The following OTOGL variants were observed in gnomAD, a reference collection of about 807,000 sequenced individuals.
OTOGL encodes the protein otogelin-like protein.
Under a neutral mutation model 318.5 loss-of-function variants are expected in OTOGL, and 285 were observed. The observed-to-expected ratio is 0.89, with a 90% CI of 0.81 to 0.99. OTOGL has a LOEUF of 0.99. Among genes scored for constraint, OTOGL ranks in the 50% least tolerant of loss-of-function variants. The pLI is 0.00. For missense variants in OTOGL, 2,899 were observed against 2,845.6 expected, an observed-to-expected ratio of 1.02 and a Z score of -0.43; for synonymous variants, 987 against 936.5, an observed-to-expected ratio of 1.05 and a Z score of -0.99.
chr12:80,272,374 G>A (rs895959452), intron 24 of OTOGL, among the ~76,000 whole-genome samples: 2 of 150,584 alleles, frequency 1.3e-5, no homozygotes, highest in African/African-American at 4.9e-5. Context: ...GTGTGTGTGT[G>A]TGTGTGTGTG....
rs535582919 is a variant in OTOGL at position 80,123,354 on chromosome 12, G to A, written c.-20+23749G>A. Among the ~76,000 whole-genome samples, 8 of 152,294 alleles carry A rather than the reference G, an allele frequency of 5.3e-5. No individual in the cohort carries two copies. The South Asian group carries it at 1.7e-3, about 32-fold the overall frequency. ...CAGCATCATCCATGTTTGTACAAAG[G>A]ACATGAACTCATCATTTTTTAAGGC... On this transcript the variant is annotated intron_variant, in intron 1 of 58. Transcript: ENST00000547103.
At position 80,358,759 on chromosome 12, in the gene OTOGL, C is replaced by T; in HGVS notation, c.6210C>T (p.Cys2070=). The T allele has an allele frequency of 2.5e-6, 4 of 1,607,702 alleles. No individual in the cohort carries two copies. Among genetic ancestry groups the T allele is most frequent in the Admixed American group, 1.7e-5 (1 of 59,930 alleles). The change falls in exon 51 of 59, where the codon TGC becomes TGT. Residue 2070 remains cysteine, a synonymous_variant. Coordinates refer to ENST00000547103, the MANE Select transcript of OTOGL (RefSeq NM_001378609.3). ...LVKENVSGQC[C]PTWHCECNCE... Reference sequence around the variant, plus strand: ...AAGAAAATGTATCTGGTCAATGTTGCCCAACATGGCACTGTGGTAACTAAT... The same window carrying T: ...AAGAAAATGTATCTGGTCAATGTTGTCCAACATGGCACTGTGGTAACTAAT...
chr12:80,125,464 A>G (rs918624540), intron 1 of OTOGL, among the ~76,000 whole-genome samples: 1 of 152,192 alleles, frequency 6.6e-6, no homozygotes, highest in Non-Finnish European at 1.5e-5. Context: ...GGATTTTTGC[A>G]TCGATGTTCA....
At chr12:80,264,274 C>A (rs1157047070) in intron 19 of OTOGL, among the ~76,000 whole-genome samples, 1 of 152,118 alleles carries the variant, frequency 6.6e-6, no homozygotes, top group Non-Finnish European at 1.5e-5. Flanking sequence ...AGAATTATAT[C>A]TGATCAGTCA....
chr12:80,334,812 A>G (rs1172112121), intron 38 of OTOGL, among the ~76,000 whole-genome samples: 1 of 152,126 alleles, frequency 6.6e-6, no homozygotes, highest in Non-Finnish European at 1.5e-5. Flanking sequence ...TGGTAGGTCT[A>G]AAATCCTCTG....
intron 26 of OTOGL, among the ~76,000 whole-genome samples, chr12:80,287,395 TGTAA>T (rs1459749726): frequency 6.6e-6 from 1 of 151,794 alleles, no homozygotes; most frequent in Non-Finnish European, 1.5e-5. Context: ...TGGAGAGTTC[TGTAA>T]GTGTCTATTA....
chr12:80,293,167 AAAG>A (rs1885160381), intron 26 of OTOGL, among the ~76,000 whole-genome samples: 1 of 151,966 alleles, frequency 6.6e-6, no homozygotes, highest in African/African-American at 2.4e-5. Flanking sequence ...AGATAGCTAA[AAAG>A]GTAAATTTAA....
Position 80,144,047 on chromosome 12 carries a change from C to CT in OTOGL, c.-20+44455dup, listed in dbSNP as rs201583324. The stretch of plus-strand genomic sequence containing the variant: ...AAATGCTCTGTCGTTTTGTGCTTTT[C>CT]TTTTTTTTTTTTTCTTTTATTATTA... On this transcript the variant is annotated intron_variant, in intron 1 of 58. Transcript: ENST00000547103. 7.2e-3 allele frequency among the ~76,000 whole-genome samples: 1,025 copies of CT among 141,438 alleles called. 29 individuals are homozygous for CT. The East Asian group carries it at 0.1, about 14-fold the overall frequency. The allele number at this position is 141,438 out of a possible 152,430, so 92.8% of individuals were successfully genotyped here.
intron 33 of OTOGL, among the ~76,000 whole-genome samples, 200 bp from the exon 34 acceptor site, chr12:80,320,222 T>A (rs1316675822): frequency 1.3e-5 from 2 of 152,150 alleles, no homozygotes; most frequent in African/African-American, 4.8e-5. Context: ...ATATCACTGT[T>A]ATTCACTGAA....
intron 4 of OTOGL, among the ~76,000 whole-genome samples, chr12:80,214,158 G>A (rs1432461897): frequency 6.6e-6 from 1 of 152,200 alleles, no homozygotes; most frequent in Non-Finnish European, 1.5e-5. Flanking sequence ...TTTTGCATTG[G>A]CATTACATTC....
intron 24 of OTOGL, among the ~76,000 whole-genome samples, chr12:80,272,920 GT>G (rs1235990973): frequency 6.6e-6 from 1 of 152,078 alleles, no homozygotes; most frequent in Non-Finnish European, 1.5e-5. Context: ...AGACATTTTA[GT>G]AAAAAGGAGA....
intron 1 of OTOGL, among the ~76,000 whole-genome samples, chr12:80,195,352 T>G: frequency 6.6e-6 from 1 of 152,312 alleles, no homozygotes. Context: ...TTTTCTGTAC[T>G]TGCAAAAAGC....
At chr12:80,122,685 C>A (rs1045324668) in intron 1 of OTOGL, among the ~76,000 whole-genome samples, 5 of 152,100 alleles carry the variant, frequency 3.3e-5, no homozygotes, top group Non-Finnish European at 7.4e-5. Context: ...CTGTCTTTTA[C>A]CTTTCTGAGT....
At chr12:80,342,736 C>G (rs1284397393) in intron 44 of OTOGL, among the ~76,000 whole-genome samples, 3 of 151,930 alleles carry the variant, frequency 2.0e-5, no homozygotes, top group Non-Finnish European at 4.4e-5. Flanking sequence ...TGTTAGATTC[C>G]TGTGATAGAA....
At position 80,342,116 on chromosome 12, in the gene OTOGL, G is replaced by A. The variant is rs765683285; in HGVS notation, c.5219G>A (p.Cys1740Tyr). ...RNCTEHDCSQ[C>Y]IDLLNRRIFI... ...TGTACTGAGCATGATTGCAGCCAGTGCATTGATTTATTAAATAGAAGAATT... is the reference window on the plus strand; with the variant it reads ...TGTACTGAGCATGATTGCAGCCAGTACATTGATTTATTAAATAGAAGAATT... The change falls in exon 44 of 59, where the codon TGC becomes TAC. Residue 1740 changes from cysteine (C) to tyrosine (Y), a missense_variant. Around this residue, in one of 3 missense-constraint regions of OTOGL, gnomAD observed 2,607 missense variants for 2,524.9 expected, o/e 1.03. Coordinates refer to ENST00000547103, the MANE Select transcript of OTOGL (RefSeq NM_001378609.3). 1.9e-6 allele frequency: 3 copies of A among 1,600,054 alleles called. No homozygotes were observed. In the East Asian group the frequency reaches 6.7e-5, roughly 36 times the overall value.
chr12:80,127,276 T>G (rs1000102713), intron 1 of OTOGL, among the ~76,000 whole-genome samples: 2 of 152,148 alleles, frequency 1.3e-5, no homozygotes, highest in Non-Finnish European at 2.9e-5. Context: ...GTCTGTAAAG[T>G]ATTTTATTTC....
chr12:80,108,848 G>GTATATATATATGTA (rs375973972), intron 1 of OTOGL, among the ~76,000 whole-genome samples: 1 of 130,070 alleles, frequency 7.7e-6, no homozygotes, highest in African/African-American at 2.9e-5. Flanking sequence ...ATATATATGT[G>GTATATATATATGTA]TATATATATG....
At chr12:80,195,724 C>A (rs1266666660) in intron 1 of OTOGL, among the ~76,000 whole-genome samples, 1 of 152,164 alleles carries the variant, frequency 6.6e-6, no homozygotes, top group East Asian at 1.9e-4. Context: ...GTGCTGGAGC[C>A]AGCTCCTGGT....
chr12:80,370,129 G>A (rs1890785227), intron 55 of OTOGL, among the ~76,000 whole-genome samples: 2 of 152,040 alleles, frequency 1.3e-5, no homozygotes, highest in South Asian at 4.2e-4. Context: ...GGAGTAGAAG[G>A]AAGAATAAAC....
Sources: gnomAD v4.1 joint callset for allele counts (sites outside exome capture counted in the v4.1 genomes callset) on GRCh38, gnomAD v4.1.1 for gene constraint, gnomAD v4.1.1 regional missense constraint, MANE v1.5 for transcripts, NCBI Gene and HGNC (gene_info 2026-07-23, HGNC 2026-07-21) for gene names.